The following PTK7 variants were observed in gnomAD, a reference collection of about 807,000 sequenced individuals.
The protein encoded by PTK7 is inactive tyrosine-protein kinase 7.
PTK7 carries 39 observed loss-of-function variants against 116.6 expected under a neutral mutation model. The observed-to-expected ratio is 0.33, with a 90% CI of 0.26 to 0.44. PTK7 has a LOEUF of 0.44. Ranked by LOEUF, PTK7 falls within the 20% of genes least tolerant of loss-of-function variation. PTK7 has a pLI of 1.00. For missense variants in PTK7, 1,169 were observed against 1,425.6 expected (o/e 0.82, Z 2.90); for synonymous variants, 546 against 563.6 (o/e 0.97, Z 0.44).
chr6:43,128,848 C>T (rs1769457111), intron 1 of PTK7, 129 bp from the exon 2 acceptor site: 1 of 895,816 alleles, frequency 1.1e-6, no homozygotes, highest in African/African-American at 1.7e-5. Context: ...CATCATGATC[C>T]TTCACACCTG....
intron 17 of PTK7, among the ~76,000 whole-genome samples, chr6:43,153,126 T>G (rs999231756): frequency 2.0e-5 from 3 of 149,242 alleles, no homozygotes; most frequent in Admixed American, 6.7e-5. Flanking sequence ...ATTTATTTAT[T>G]TTGAGATGGA....
intron 1 of PTK7, among the ~76,000 whole-genome samples, chr6:43,095,749 A>T (rs968534142): frequency 6.6e-6 from 1 of 152,192 alleles, no homozygotes; most frequent in Non-Finnish European, 1.5e-5. Context: ...AGAAAATTGC[A>T]GTGCTCTTTT....
chr6:43,100,061 C>G (rs1045077885), intron 1 of PTK7, among the ~76,000 whole-genome samples: 2 of 152,086 alleles, frequency 1.3e-5, no homozygotes, highest in Non-Finnish European at 2.9e-5. Context: ...CTGTGAACCA[C>G]TGCACCTGGC....
At position 43,076,575 on chromosome 6, in the gene PTK7, C is replaced by T; in HGVS notation, c.79+8C>T. 1 of 1,574,794 alleles carries T rather than the reference C, an allele frequency of 6.4e-7. No homozygotes were observed. The highest frequency in any genetic ancestry group is 8.6e-7 in the Non-Finnish European group (1 of 1,165,818). ...TGCTGCCGCTGCTGGGCGGTGAGTA[C>T]CCGAGAGTTGGGGGCACAGAGCTTG... On this transcript the variant is annotated splice_region_variant and intron_variant, in intron 1 of 19. Coordinates refer to ENST00000230419, the MANE Select transcript of PTK7 (RefSeq NM_002821.5). This position sits in a 1 kb window ranked among gnomAD's most constrained non-coding sequence, Gnocchi z 5.7.
At chr6:43,083,070 C>T (rs572036354) in intron 1 of PTK7, among the ~76,000 whole-genome samples, 2 of 152,244 alleles carry the variant, frequency 1.3e-5, no homozygotes, top group East Asian at 1.9e-4. Context: ...AGAGGTTGGC[C>T]GGTTCAGACT....
rs977383860 is a variant in PTK7 at position 43,143,196 on chromosome 6, A to G, written c.2048-221A>G. 1.5e-5 allele frequency: 8 copies of G among 518,382 alleles called. No individual in the cohort carries two copies. In the African/African-American group the frequency reaches 1.5e-4, roughly 10 times the overall value. 32.1% of individuals were successfully genotyped at this position (518,382 alleles called of 1,614,324 possible). On this transcript the variant is annotated intron_variant, in intron 13 of 19. Transcript: ENST00000230419. This position sits in a 1 kb window ranked among gnomAD's most constrained non-coding sequence, Gnocchi z 4.2. ...TGTCGCCTGTCTTGGCTTCCGATGC[A>G]AAGCCAGCTTGGGAACCCCTGGCCT... is the stretch of plus-strand genomic sequence containing the variant.
chr6:43,097,231 G>A (rs1767314809), intron 1 of PTK7, among the ~76,000 whole-genome samples: 1 of 152,238 alleles, frequency 6.6e-6, no homozygotes, highest in Admixed American at 6.5e-5. Flanking sequence ...TTAAAGGGAA[G>A]CTAAACCTGA....
chr6:43,120,914 C>T (rs1326240688), intron 1 of PTK7, among the ~76,000 whole-genome samples: 1 of 152,128 alleles, frequency 6.6e-6, no homozygotes, highest in African/African-American at 2.4e-5. Context: ...TCCTAAGAGA[C>T]TCCACAGCCA....
chr6:43,121,301 C>T (rs1024780084), intron 1 of PTK7, among the ~76,000 whole-genome samples: 2 of 152,178 alleles, frequency 1.3e-5, no homozygotes, highest in African/African-American at 2.4e-5. Flanking sequence ...GTCTGAGTTT[C>T]GGTTTTCACC....
intron 1 of PTK7, among the ~76,000 whole-genome samples, chr6:43,080,891 G>C (rs557671706): frequency 6.6e-6 from 1 of 151,860 alleles, no homozygotes; most frequent in African/African-American, 2.4e-5. Flanking sequence ...GCAGTGAGCC[G>C]AGATCGCGCC....
chr6:43,082,876 G>A (rs116731768), intron 1 of PTK7, among the ~76,000 whole-genome samples: 1,758 of 152,332 alleles, frequency 0.012, 39 homozygotes, highest in African/African-American at 0.039. Context: ...GATTTGTTAG[G>A]CAGAAATTTG....
chr6:43,140,874 C>A (rs1482274911), intron 10 of PTK7, among the ~76,000 whole-genome samples: 1 of 151,422 alleles, frequency 6.6e-6, no homozygotes, highest in African/African-American at 2.4e-5. Flanking sequence ...AATTTTATAC[C>A]CTTTTTTACT....
rs1475490949 is a variant in PTK7, at chr6:43,094,075, G to C, written c.79+17508G>C. 3.3e-5 allele frequency among the ~76,000 whole-genome samples: 5 copies of C among 152,244 alleles called. No individual in the cohort carries two copies. The East Asian group carries it at 9.6e-4, about 29-fold the overall frequency. On this transcript the variant is annotated intron_variant, in intron 1 of 19. Transcript: ENST00000230419. ...GGACAGCAACCATTCAGAGGCTGGA[G>C]TAAAGTTACAAAGTTGCAAACGAAG...
rs759479702 is a variant in PTK7, at chr6:43,143,657, C to T, written c.2251+37C>T. 9.4e-6 allele frequency: 15 copies of T among 1,588,918 alleles called. No homozygotes were observed. The highest frequency in any genetic ancestry group is 2.3e-4 in the Middle Eastern group (1 of 4,366). ...TGGACGGGGAGGTGGTGCCCGTGTG[C>T]GGGAGCTGAGCGCCCTCCCGCGGCC... On this transcript the variant is annotated intron_variant, in intron 14 of 19. Coordinates refer to ENST00000230419, the MANE Select transcript of PTK7 (RefSeq NM_002821.5). This position sits in a 1 kb window ranked among gnomAD's most constrained non-coding sequence, Gnocchi z 4.2.
chr6:43,160,891 C>T lies in PTK7; in HGVS notation c.*10C>T, dbSNP rs771294121. The stretch of plus-strand genomic sequence containing the variant: ...GGACAGCAAGCCGTGAGGAGGGAGC[C>T]CGCTCAGGATGGCCTGGGCAGGGGA... On this transcript the variant is annotated 3_prime_UTR_variant, in exon 20 of 20. Transcript: ENST00000230419. The T allele has an allele frequency of 1.2e-6, 2 of 1,613,218 alleles. No homozygotes were observed. The highest frequency in any genetic ancestry group is 1.1e-5 in the South Asian group (1 of 91,040).
chr6:43,125,763 C>T (rs1769251233), intron 1 of PTK7, among the ~76,000 whole-genome samples: 1 of 152,192 alleles, frequency 6.6e-6, no homozygotes, highest in Non-Finnish European at 1.5e-5. Context: ...CAACTCATGA[C>T]AGCCTTGTGA....
chr6:43,144,372 C>G (rs780657935), intron 14 of PTK7, 79 bp from the exon 15 acceptor site: 21 of 1,574,492 alleles, frequency 1.3e-5, no homozygotes, highest in Non-Finnish European at 1.7e-5. Context: ...GAGTGGAAGA[C>G]CAGGGGACAG....
chr6:43,076,969 C>T lies in PTK7; in HGVS notation c.79+402C>T, dbSNP rs192759295. 96 of 1,508,036 alleles carry T rather than the reference C, an allele frequency of 6.4e-5. 1 individual carries two copies. The East Asian group carries it at 2.4e-3, about 37-fold the overall frequency. The allele number at this position is 1,508,036 out of a possible 1,614,324, so 93.4% of individuals were successfully genotyped here. The stretch of plus-strand genomic sequence containing the variant: ...GAGAAAAAGGAATTCCCCACCCCAC[C>T]CGGCAGGGTCGGCCCAGGTAAGAGT... On this transcript the variant is annotated intron_variant, in intron 1 of 19. Transcript: ENST00000230419. This position sits in a 1 kb window ranked among gnomAD's most constrained non-coding sequence, Gnocchi z 5.7.
At chr6:43,083,838 G>T (rs1031391867) in intron 1 of PTK7, among the ~76,000 whole-genome samples, 1 of 152,166 alleles carries the variant, frequency 6.6e-6, no homozygotes, top group Non-Finnish European at 1.5e-5. Context: ...ACAGGTTTAG[G>T]TGTGTATGTA....
Sources: gnomAD v4.1 joint callset for allele counts (sites outside exome capture counted in the v4.1 genomes callset) on GRCh38, gnomAD v4.1.1 for gene constraint, Gnocchi (gnomAD v3.1) non-coding constraint, MANE v1.5 for transcripts, NCBI Gene and HGNC (gene_info 2026-07-23, HGNC 2026-07-21) for gene names.